Variants in ATF7 observed in about 807,000 individuals in gnomAD.
ATF7 encodes activating transcription factor 7, also known as cyclic AMP-dependent transcription factor ATF-7.
ATF7 carries 10 observed loss-of-function variants against 50.4 expected under a neutral mutation model. The observed-to-expected ratio is 0.20, with a 90% CI of 0.12 to 0.34. The LOEUF is 0.34. ATF7 is among the 10% of genes least tolerant of loss of function. The pLI, the probability that ATF7 is intolerant of heterozygous loss-of-function variation, is 1.00. For synonymous variants in ATF7, 201 were observed against 226.4 expected (o/e 0.89, Z 1.01); for missense variants, 465 against 613.9 (o/e 0.76, Z 2.56).
intron 3 of ATF7, among the ~76,000 whole-genome samples, chr12:53,549,286 CAA>C (rs1266408716): frequency 1.1e-4 from 5 of 47,014 alleles, no homozygotes; most frequent in South Asian, 6.9e-4. Flanking sequence ...GACTCCGTCT[CAA>C]AAAAAAAAAA....
At chr12:53,591,357 CA>C (rs370658144) in intron 2 of ATF7, among the ~76,000 whole-genome samples, 17 of 152,224 alleles carry the variant, frequency 1.1e-4, no homozygotes, top group African/African-American at 4.1e-4. Context: ...TAACTAAAGA[CA>C]GGAAAGAAGC....
chr12:53,537,546 C>A lies in ATF7; in HGVS notation c.271G>T (p.Ala91Ser), dbSNP rs1352563187. 5.0e-6 allele frequency: 8 copies of A among 1,613,206 alleles called. No homozygotes were observed. Among genetic ancestry groups the A allele is most frequent in the Non-Finnish European group, 6.8e-6 (8 of 1,179,814 alleles). The change falls in exon 5 of 12, where the codon GCT (alanine) becomes TCT (serine). Residue 91 changes from alanine (A) to serine (S), a missense_variant. Ala to Ser is a moderately conservative substitution (Grantham distance 99, BLOSUM62 1). Transcript: ENST00000420353. ...AADEDEKKAA[A>S]GPLDMSLPST... ...GGCAGAGACATGTCAAGGGGCCCAG[C>A]AGCAGCCTGTTGTGAAAGAAAAATG... is the stretch of plus-strand genomic sequence containing the variant.
chr12:53,513,806 G>C lies in ATF7; in HGVS notation c.*3331C>G, dbSNP rs1944205684. On this transcript the variant is annotated 3_prime_UTR_variant, in exon 12 of 12. Transcript: ENST00000420353. ...TTTTTGGTGTCTGTTTGGTGGTTCA[G>C]GCTGTACATAGGGCACGGTTGGGGT... The C allele has an allele frequency of 6.6e-6, 1 of 152,160 alleles. No homozygotes were observed. Among genetic ancestry groups the C allele is most frequent in the Non-Finnish European group, 1.5e-5 (1 of 68,080 alleles). 9.4% of individuals were successfully genotyped at this position (152,160 alleles called of 1,614,324 possible).
chr12:53,605,020 T>C (rs1943545787), intron 1 of ATF7, among the ~76,000 whole-genome samples: 1 of 152,174 alleles, frequency 6.6e-6, no homozygotes, highest in African/African-American at 2.4e-5. Context: ...AGACGCTATG[T>C]ATATGGTCAT....
chr12:53,531,833 C>A lies in ATF7; in HGVS notation c.838G>T (p.Gly280Cys). 6.2e-7 allele frequency: 1 copy of A among 1,613,418 alleles called. No homozygotes were observed. The highest frequency in any genetic ancestry group is 8.5e-7 in the Non-Finnish European group (1 of 1,179,770). ...GCTGTCACCATGGTGCTGGCAGTAC[C>A]CACCACCATTCCACAACCACCATTG... The part of the protein sequence containing the change: ...SINGGCGMVV[G>C]TASTMVTARP... The change falls in exon 9 of 12, where the codon GGT becomes TGT. Residue 280 changes from glycine to cysteine, a missense_variant. Transcript: ENST00000420353.
chr12:53,609,641 TAAAA>T (rs74845346), intron 1 of ATF7, among the ~76,000 whole-genome samples: 1 of 133,166 alleles, frequency 7.5e-6, no homozygotes, highest in African/African-American at 2.7e-5. Flanking sequence ...CTGGGACTCT[TAAAA>T]AAAAAAAAAA....
At chr12:53,548,991 A>G (rs375336355) in intron 3 of ATF7, among the ~76,000 whole-genome samples, 302 of 151,892 alleles carry the variant, frequency 2.0e-3, no homozygotes, top group African/African-American at 7.0e-3. Flanking sequence ...TCTCCAAAAA[A>G]TACCCCCCAA....
chr12:53,509,083 T>C (rs1402464729), downstream of ATF7, among the ~76,000 whole-genome samples: 1 of 152,174 alleles, frequency 6.6e-6, no homozygotes, highest in Non-Finnish European at 1.5e-5. Flanking sequence ...TGTGGGTCTC[T>C]AGCTTGTGCT....
At chr12:53,519,946 C>A (rs1286069165) in intron 11 of ATF7, among the ~76,000 whole-genome samples, 5 of 152,086 alleles carry the variant, frequency 3.3e-5, no homozygotes, top group Admixed American at 3.3e-4. Context: ...TGGGGTTTCA[C>A]CGTGTTAGCC....
At chr12:53,553,840 C>T (rs1940539470) in intron 2 of ATF7, among the ~76,000 whole-genome samples, 3 of 152,188 alleles carry the variant, frequency 2.0e-5, no homozygotes, top group African/African-American at 7.2e-5. Context: ...TACGTTTAGC[C>T]TTCTTTTCCA....
At chr12:53,619,504 G>GA (rs1425506452) in intron 1 of ATF7, among the ~76,000 whole-genome samples, 1,301 of 128,126 alleles carry the variant, frequency 0.01, 22 homozygotes, top group African/African-American at 0.036. Context: ...AAAAAAAAAA[G>GA]AAAAAAAAAA....
intron 1 of ATF7, among the ~76,000 whole-genome samples, chr12:53,606,435 A>G (rs1197498409): frequency 1.3e-5 from 2 of 152,012 alleles, no homozygotes; most frequent in Non-Finnish European, 2.9e-5. Flanking sequence ...TTTAGTAGAG[A>G]TGGGGTTTCT....
chr12:53,598,569 A>G (rs1943258548), intron 2 of ATF7, among the ~76,000 whole-genome samples: 1 of 152,234 alleles, frequency 6.6e-6, no homozygotes, highest in South Asian at 2.1e-4. Flanking sequence ...ACACAACCTT[A>G]CGAGAAGGAA....
chr12:53,602,352 G>C (rs1034556244), intron 1 of ATF7, among the ~76,000 whole-genome samples: 1 of 152,152 alleles, frequency 6.6e-6, no homozygotes, highest in Admixed American at 6.6e-5. Context: ...AAATGTTAAC[G>C]TGCTAGACTG....
At chr12:53,568,324 G>A (rs1302751477) in intron 2 of ATF7, among the ~76,000 whole-genome samples, 1 of 151,358 alleles carries the variant, frequency 6.6e-6, no homozygotes, top group African/African-American at 2.5e-5. Flanking sequence ...GAGAACCAAT[G>A]AGCGTGCTCA....
chr12:53,605,699 T>C (rs1943572579), intron 1 of ATF7, among the ~76,000 whole-genome samples: 1 of 152,192 alleles, frequency 6.6e-6, no homozygotes, highest in South Asian at 2.1e-4. Flanking sequence ...GAAATTGTGA[T>C]GTGTTAGTGA....
chr12:53,510,697 C>T (rs891297702), downstream of ATF7, among the ~76,000 whole-genome samples: 2 of 152,214 alleles, frequency 1.3e-5, no homozygotes, highest in African/African-American at 4.8e-5. Flanking sequence ...TTTCTCTAAA[C>T]ATCAATTACA....
At chr12:53,573,084 CAAA>C (rs75993824) in intron 2 of ATF7, among the ~76,000 whole-genome samples, 3 of 68,340 alleles carry the variant, frequency 4.4e-5, no homozygotes, top group African/African-American at 4.8e-5. Context: ...TGTACCCGGC[CAAA>C]AAAAAAAAAA....
At chr12:53,586,112 C>T (rs1592933895) in intron 2 of ATF7, among the ~76,000 whole-genome samples, 1 of 152,126 alleles carries the variant, frequency 6.6e-6, no homozygotes, top group Non-Finnish European at 1.5e-5. Context: ...GAAATAAAGT[C>T]TCCCCTATCC....
Sources: allele counts gnomAD v4.1 joint callset (sites outside exome capture counted in the v4.1 genomes callset), GRCh38; gene constraint gnomAD v4.1.1; transcripts MANE v1.5; gene names NCBI Gene and HGNC (gene_info 2026-07-23, HGNC 2026-07-21).